Variants in NHSL1 observed in about 807,000 individuals in gnomAD.
NHSL1 encodes the protein NHS-like protein 1.
Under a neutral mutation model 95.0 loss-of-function variants are expected in NHSL1, and 48 were observed. That is an observed-to-expected ratio of 0.51 (90% CI 0.40 to 0.64). NHSL1 has a LOEUF of 0.64. Ranked by LOEUF, NHSL1 falls within the 30% of genes least tolerant of loss-of-function variation. NHSL1 has a pLI of 0.00. For missense variants in NHSL1, 1,971 were observed against 2,077.7 expected, an observed-to-expected ratio of 0.95 and a Z score of 1.00; for synonymous variants, 783 against 833.9, an observed-to-expected ratio of 0.94 and a Z score of 1.05.
rs560501096 is a variant in NHSL1, at chr6:138,482,267, G to C, written c.212-8834C>G. On this transcript the variant is annotated intron_variant, in intron 2 of 7. Coordinates refer to ENST00000343505, the MANE Select transcript of NHSL1 (RefSeq NM_001144060.2). ...TCAAGACCAGCCTGTTCAACATGGT[G>C]ACACTCCATCTCTATTAAAAATACA... Among the ~76,000 whole-genome samples the C allele has an allele frequency of 4.6e-5, 7 of 152,232 alleles. No homozygotes were observed. The South Asian group carries it at 1.5e-3, about 32-fold the overall frequency.
chr6:138,572,546 G>C (rs868485224), upstream of NHSL1: 1 of 152,506 alleles, frequency 6.6e-6, no homozygotes, highest in Middle Eastern at 3.4e-3. Flanking sequence ...CGCTCGTTCA[G>C]AGCCGCAGGA....
chr6:138,647,847 C>T lies in NHSL1; in HGVS notation c.96+44629G>A, dbSNP rs555521610. ...TCCTGACCTCAAGTGATCCACCTGC[C>T]TCGGCCTCCCAAAATGCTGGGATTA... On this transcript the variant is annotated intron_variant, in intron 1 of 3. Coordinates refer to the NHSL1 transcript ENST00000491526. 7.2e-5 allele frequency among the ~76,000 whole-genome samples: 11 copies of T among 152,286 alleles called. 1 individual carries two copies. In the South Asian group the frequency reaches 2.3e-3, roughly 32 times the overall value.
At chr6:138,583,755 A>C (rs1210602857) in intron 1 of NHSL1, among the ~76,000 whole-genome samples, 1 of 152,176 alleles carries the variant, frequency 6.6e-6, no homozygotes, top group Non-Finnish European at 1.5e-5. Context: ...ATTCCCCCAC[A>C]TAATCTAATC....
At chr6:138,427,183 CTT>C (rs1165239368) in intron 7 of NHSL1, among the ~76,000 whole-genome samples, 1 of 152,172 alleles carries the variant, frequency 6.6e-6, no homozygotes, top group Non-Finnish European at 1.5e-5. Context: ...CACAACTAAA[CTT>C]GAGTAAAACT....
At position 138,622,070 on chromosome 6, in the gene NHSL1, C is replaced by T. The variant is rs1375637691; in HGVS notation, c.96+70406G>A. Among the ~76,000 whole-genome samples the T allele has an allele frequency of 3.9e-5, 6 of 152,224 alleles. No individual in the cohort carries two copies. In the East Asian group the frequency reaches 7.7e-4, roughly 20 times the overall value. On this transcript the variant is annotated intron_variant, in intron 1 of 3. Coordinates refer to the NHSL1 transcript ENST00000491526. ...CTATGTAGCGGGCATTCAAAAAAAG[C>T]TAGCTATAATGAAATCGAAGAACTT...
intron 1 of NHSL1, among the ~76,000 whole-genome samples, chr6:138,674,611 C>T (rs1785424331): frequency 6.6e-6 from 1 of 152,148 alleles, no homozygotes; most frequent in South Asian, 2.1e-4. Context: ...AGGATAATGG[C>T]TTCCCACTTC....
chr6:138,608,276 A>ATTT lies in NHSL1; in HGVS notation c.96+84199_96+84200insAAA, dbSNP rs530117395. On this transcript the variant is annotated intron_variant, in intron 1 of 3. Transcript: ENST00000491526. ...TTTCTCATACTGAGTAATTTCTGAG[A>ATTT]TAAAGGAAGTCAGTTTCCAACGAGA... Among the ~76,000 whole-genome samples the ATTT allele has an allele frequency of 2.5e-4, 38 of 152,364 alleles. 1 individual carries two copies. The East Asian group carries it at 6.7e-3, about 27-fold the overall frequency.
chr6:138,437,150 T>G (rs1167584339), intron 5 of NHSL1, among the ~76,000 whole-genome samples: 1 of 151,352 alleles, frequency 6.6e-6, no homozygotes, highest in East Asian at 1.9e-4. Context: ...GGCACATGCC[T>G]ATAATCCCAG....
rs555426514 is a variant in NHSL1, at chr6:138,535,362, G to A, written c.16+10261C>T. On this transcript the variant is annotated intron_variant, in intron 1 of 4. Transcript: ENST00000342260. The stretch of plus-strand genomic sequence containing the variant: ...GAGGATTGCCTGAGCCCAGGAGTTC[G>A]AGACCAGTCTCGGCAACACAGTAAA... Among the ~76,000 whole-genome samples the A allele has an allele frequency of 5.9e-5, 9 of 152,042 alleles. No individual in the cohort carries two copies. In the South Asian group the frequency reaches 8.3e-4, roughly 14 times the overall value.
intron 1 of NHSL1, among the ~76,000 whole-genome samples, chr6:138,652,623 CA>C (rs1785107465): frequency 6.6e-6 from 1 of 151,770 alleles, no homozygotes; most frequent in African/African-American, 2.4e-5. Context: ...GTAAAACAAG[CA>C]AAAAAATATA....
chr6:138,473,608 C>T (rs1229662516), intron 2 of NHSL1, among the ~76,000 whole-genome samples, 175 bp from the exon 3 acceptor site: 1 of 152,116 alleles, frequency 6.6e-6, no homozygotes, highest in East Asian at 1.9e-4. Flanking sequence ...CTACTACACA[C>T]TACATACCAT....
chr6:138,535,106 C>G (rs1046289028), intron 1 of NHSL1, among the ~76,000 whole-genome samples: 1 of 152,084 alleles, frequency 6.6e-6, no homozygotes. Context: ...ACTCTGGCTA[C>G]TGGGTTGAAA....
intron 1 of NHSL1, among the ~76,000 whole-genome samples, chr6:138,674,134 A>T (rs918086898): frequency 6.6e-6 from 1 of 152,218 alleles, no homozygotes; most frequent in African/African-American, 2.4e-5. Flanking sequence ...AGCTAAGTAA[A>T]AAAAGCAACA....
At chr6:138,509,585 T>C (rs1781125270) in intron 1 of NHSL1, among the ~76,000 whole-genome samples, 1 of 152,196 alleles carries the variant, frequency 6.6e-6, no homozygotes, top group African/African-American at 2.4e-5. Flanking sequence ...GGGGACACCA[T>C]GACACTCAAC....
intron 1 of NHSL1, among the ~76,000 whole-genome samples, chr6:138,504,676 T>C (rs1284744907): frequency 2.0e-5 from 3 of 152,156 alleles, no homozygotes; most frequent in African/African-American, 7.2e-5. Context: ...GGGTCCCTGA[T>C]GGAGGATCAG....
intron 1 of NHSL1, among the ~76,000 whole-genome samples, chr6:138,643,673 T>C (rs1407019087): frequency 2.6e-5 from 4 of 152,156 alleles, no homozygotes; most frequent in African/African-American, 9.7e-5. Context: ...TATAATTAGG[T>C]ACTATTTTAA....
At chr6:138,636,379 CA>C (rs1400947296) in intron 1 of NHSL1, among the ~76,000 whole-genome samples, 1 of 152,140 alleles carries the variant, frequency 6.6e-6, no homozygotes, top group Non-Finnish European at 1.5e-5. Context: ...CCACTTTCAC[CA>C]CTGTTGTTCA....
At chr6:138,547,529 C>T (rs1277288272), upstream of NHSL1, among the ~76,000 whole-genome samples, 1 of 152,116 alleles carries the variant, frequency 6.6e-6, no homozygotes, top group Admixed American at 6.5e-5. Flanking sequence ...TACAGGCGCC[C>T]GCCGCCAGGC....
At position 138,424,636 on chromosome 6, in the gene NHSL1, C is replaced by G. The variant is rs1214690348; in HGVS notation, c.4266G>C (p.Leu1422=). The G allele has an allele frequency of 1.3e-6, 2 of 1,551,590 alleles. No homozygotes were observed. The highest frequency in any genetic ancestry group is 8.7e-7 in the Non-Finnish European group (1 of 1,146,992). The change falls in exon 8 of 8, where the codon CTG becomes CTC. Residue 1422 remains leucine (L), a synonymous_variant. Coordinates refer to ENST00000343505, the MANE Select transcript of NHSL1 (RefSeq NM_001144060.2). The surrounding 1 kb of genome is among the most constrained non-coding windows in gnomAD (Gnocchi z 5.9). ...CTGAACGACTGCCCTTTTTCAGCAG[C>G]AGAGCTTTGAAGTTGTCACTGCTGG... ...SSTSSDNFKA[L]LLKKGSRSDT...
Sources: gnomAD v4.1 joint callset for allele counts (sites outside exome capture counted in the v4.1 genomes callset) on GRCh38, gnomAD v4.1.1 for gene constraint, Gnocchi (gnomAD v3.1) non-coding constraint, MANE v1.5 for transcripts, NCBI Gene and HGNC (gene_info 2026-07-23, HGNC 2026-07-21) for gene names.